PIP5K1C: variants seen among roughly 807,000 people sequenced by gnomAD.
The protein encoded by PIP5K1C is phosphatidylinositol 4-phosphate 5-kinase type-1 gamma.
PIP5K1C carries 45 observed loss-of-function variants against 80.1 expected under a neutral mutation model. The ratio of observed to expected loss-of-function variants is 0.56; its 90% CI spans 0.44 to 0.72. PIP5K1C has a LOEUF of 0.72. Ranked by LOEUF, PIP5K1C falls within the 30% of genes least tolerant of loss-of-function variation. The probability of loss-of-function intolerance (pLI) is 0.00; values close to 1 mark genes in which losing one functional copy is unlikely to be tolerated. For synonymous variants in PIP5K1C, 498 were observed against 420.1 expected (o/e 1.19, Z -2.27); for missense variants, 753 against 954.6 (o/e 0.79, Z 2.78).
intron 15 of PIP5K1C, 119 bp from the exon 16 acceptor site, chr19:3,639,135 G>T: frequency 8.0e-7 from 1 of 1,253,334 alleles, no homozygotes; most frequent in Non-Finnish European, 1.1e-6. Context: ...GAAAAGCCAG[G>T]CAGCTGACCA....
At position 3,688,953 on chromosome 19, in the gene PIP5K1C, G is replaced by A. The variant is rs1244936544; in HGVS notation, c.94+11344C>T. ...TGGGAGAGTGCCCGGGATGGGGCTG[G>A]GGGGTGGGGGGGGCTTGGCGCACGC... On this transcript the variant is annotated intron_variant, in intron 1 of 17. Transcript: ENST00000335312. The surrounding 1 kb of genome is among the most constrained non-coding windows in gnomAD (Gnocchi z 5.3). Among the ~76,000 whole-genome samples the A allele has an allele frequency of 2.0e-5, 3 of 147,932 alleles. No individual in the cohort carries two copies. Among genetic ancestry groups the A allele is most frequent in the South Asian group, 2.1e-4 (1 of 4,722 alleles).
intron 1 of PIP5K1C, among the ~76,000 whole-genome samples, chr19:3,697,216 AAGCTGGACCGGGGAGGACCG>A (rs2036145570): frequency 1.7e-5 from 2 of 116,550 alleles, no homozygotes; most frequent in Non-Finnish European, 3.6e-5. Flanking sequence ...GAGGAGGACT[AAGCTGGACCGGGGAGGACCG>A]AGCTGGACCC....
intron 1 of PIP5K1C, among the ~76,000 whole-genome samples, chr19:3,680,297 T>C (rs542523928): frequency 1.3e-5 from 2 of 152,312 alleles, no homozygotes; most frequent in East Asian, 3.9e-4. Context: ...TCTGTCTAAA[T>C]GCAACTGTCT....
Position 3,637,553 on chromosome 19 carries a change from G to C in PIP5K1C, c.1920+1331C>G, listed in dbSNP as rs544146951. The stretch of plus-strand genomic sequence containing the variant: ...TCACTTACAGTCCCCGAGGCGCTCA[G>C]CGTCACGGCCCGCAGTCGGCGATGG... On this transcript the variant is annotated intron_variant, in intron 16 of 17. Transcript: ENST00000335312. The surrounding 1 kb of genome is among the most constrained non-coding windows in gnomAD (Gnocchi z 7.0). The C allele has an allele frequency of 7.8e-5, 120 of 1,535,234 alleles. 2 individuals carry two copies. In the Middle Eastern group the frequency reaches 1.3e-3, roughly 17 times the overall value.
rs1258951767 is a variant in PIP5K1C, at chr19:3,648,593, C to A, written c.1211+32G>T. ...CTGTGGGACTGCAGACCCGGGGCGT[C>A]CACCTGTAGGACTGCAGACCCGGGC... On this transcript the variant is annotated intron_variant, in intron 9 of 17. Transcript: ENST00000335312. This position sits in a 1 kb window ranked among gnomAD's most constrained non-coding sequence, Gnocchi z 4.3. 6.3e-7 allele frequency: 1 copy of A among 1,592,762 alleles called. No individual in the cohort carries two copies. Among genetic ancestry groups the A allele is most frequent in the East Asian group, 2.2e-5 (1 of 44,630 alleles).
At chr19:3,697,212 G>A (rs546812557) in intron 1 of PIP5K1C, among the ~76,000 whole-genome samples, 98 of 151,558 alleles carry the variant, frequency 6.5e-4, no homozygotes, top group African/African-American at 2.4e-3. Context: ...GATGGAGGAG[G>A]ACTAAGCTGG....
chr19:3,640,306 G>A (rs976026393), intron 15 of PIP5K1C, among the ~76,000 whole-genome samples: 2 of 152,146 alleles, frequency 1.3e-5, no homozygotes, highest in Non-Finnish European at 2.9e-5. Context: ...CTGAGGTCAG[G>A]AGTTCGAGAC....
chr19:3,657,768 A>AAG (rs911485947), intron 5 of PIP5K1C, among the ~76,000 whole-genome samples: 2 of 151,012 alleles, frequency 1.3e-5, no homozygotes, highest in Non-Finnish European at 3.0e-5. Context: ...TGTACTAAAA[A>AAG]AAAAAAAGAA....
intron 16 of PIP5K1C, chr19:3,638,099 C>G: frequency 7.1e-7 from 1 of 1,408,782 alleles, no homozygotes; most frequent in Non-Finnish European, 9.3e-7. Context: ...AGCCCTCCTT[C>G]CCAGGGGGTG....
chr19:3,657,551 G>A (rs899190963), intron 5 of PIP5K1C, among the ~76,000 whole-genome samples: 1 of 152,148 alleles, frequency 6.6e-6, no homozygotes, highest in African/African-American at 2.4e-5. Flanking sequence ...GGTGGTCTCC[G>A]AGTGCTGCGT....
intron 7 of PIP5K1C, among the ~76,000 whole-genome samples, chr19:3,653,007 C>T (rs2034505949): frequency 6.6e-6 from 1 of 152,250 alleles, no homozygotes; most frequent in African/African-American, 2.4e-5. Flanking sequence ...TGGGGTCTCA[C>T]AATGTTGCCC....
chr19:3,700,018 G>A (rs993065364), intron 1 of PIP5K1C, among the ~76,000 whole-genome samples: 1 of 152,134 alleles, frequency 6.6e-6, no homozygotes, highest in African/African-American at 2.4e-5. Context: ...GCAGCCCCTG[G>A]GAGCGGGTCA....
intron 11 of PIP5K1C, 76 bp from the exon 12 acceptor site, chr19:3,644,327 C>T (rs1311715647): frequency 1.2e-5 from 18 of 1,449,594 alleles, no homozygotes; most frequent in Non-Finnish European, 1.7e-5. Flanking sequence ...CCGCCGCCCA[C>T]ATATACCCCA....
chr19:3,685,002 T>C (rs2035710109), intron 1 of PIP5K1C, among the ~76,000 whole-genome samples: 1 of 152,228 alleles, frequency 6.6e-6, no homozygotes, highest in African/African-American at 2.4e-5. Flanking sequence ...CCGTCTGAAA[T>C]ACATATTTTG....
chr19:3,642,969 CAGAA>C (rs761744456), intron 13 of PIP5K1C, 30 bp from the exon 14 acceptor site: 33 of 1,612,926 alleles, frequency 2.0e-5, no homozygotes, highest in Admixed American at 2.0e-4. Flanking sequence ...ACGTGACACC[CAGAA>C]AGAGAGTGGC....
rs571529294 is a variant in PIP5K1C, at chr19:3,659,921, C to T, written c.468+1045G>A. Among the ~76,000 whole-genome samples the T allele has an allele frequency of 4.6e-5, 7 of 152,322 alleles. No homozygotes were observed. In the South Asian group the frequency reaches 1.2e-3, roughly 27 times the overall value. On this transcript the variant is annotated intron_variant, in intron 5 of 17. Transcript: ENST00000335312. ...ACCACAGGCTCCCGGCCCCGGGGAC[C>T]GTGCTGTCGTGACAACCAGAACGCC...
intron 1 of PIP5K1C, among the ~76,000 whole-genome samples, chr19:3,670,868 G>A (rs758837079): frequency 2.6e-5 from 4 of 152,330 alleles, no homozygotes; most frequent in South Asian, 2.1e-4. Context: ...CGGCTGCCAC[G>A]GTGAAGGGAA....
chr19:3,682,105 G>A (rs555550222), intron 1 of PIP5K1C, among the ~76,000 whole-genome samples: 1 of 151,316 alleles, frequency 6.6e-6, no homozygotes, highest in South Asian at 2.1e-4. Context: ...CAGGCACAGT[G>A]GCTCACTCTT....
chr19:3,651,423 G>T (rs1007385357), intron 8 of PIP5K1C, among the ~76,000 whole-genome samples: 2 of 152,188 alleles, frequency 1.3e-5, no homozygotes, highest in Non-Finnish European at 2.9e-5. Context: ...GTGTCCTGCT[G>T]TGAGCCCTGC....
Sources: allele counts gnomAD v4.1 joint callset (sites outside exome capture counted in the v4.1 genomes callset), GRCh38; gene constraint gnomAD v4.1.1; non-coding constraint Gnocchi (gnomAD v3.1); transcripts MANE v1.5; gene names NCBI Gene and HGNC (gene_info 2026-07-23, HGNC 2026-07-21).